The following ARID1B variants were observed in gnomAD, a reference collection of about 807,000 sequenced individuals.
ARID1B encodes the protein AT-rich interactive domain-containing protein 1B.
ARID1B carries 30 observed loss-of-function variants against 212.3 expected under a neutral mutation model. That is an observed-to-expected ratio of 0.14 (90% confidence interval 0.11 to 0.19). The LOEUF is 0.19. Among genes scored for constraint, ARID1B ranks in the 10% least tolerant of loss-of-function variants. ARID1B has a pLI of 1.00. For missense variants in ARID1B, 2,891 were observed against 3,204.0 expected, an observed-to-expected ratio of 0.90 and a Z score of 2.36; for synonymous variants, 1,402 against 1,301.7, an observed-to-expected ratio of 1.08 and a Z score of -1.66.
chr6:157,089,592 T>G lies in ARID1B; in HGVS notation c.2491+4687T>G, dbSNP rs114962679. Among the ~76,000 whole-genome samples, 1,071 of 152,266 alleles carry G rather than the reference T, an allele frequency of 7.0e-3. 16 individuals are homozygous for G. The highest frequency in any genetic ancestry group is 0.024 in the African/African-American group (995 of 41,578). On this transcript the variant is annotated intron_variant, in intron 5 of 19. Coordinates refer to ENST00000636930, the MANE Select transcript of ARID1B (RefSeq NM_001374828.1). The stretch of plus-strand genomic sequence containing the variant: ...TCTCTATAGTTAGAAGGTAAAGAAT[T>G]CAGGCCTGCTTGTTGACTCTAAACA...
intron 2 of ARID1B, among the ~76,000 whole-genome samples, chr6:156,837,838 C>T (rs978572671): frequency 1.3e-5 from 2 of 152,198 alleles, no homozygotes; most frequent in Admixed American, 6.5e-5. Context: ...ATCCAGGCTT[C>T]CTCAGGCCTC....
At chr6:157,086,712 C>T (rs1784991142) in intron 5 of ARID1B, among the ~76,000 whole-genome samples, 1 of 152,072 alleles carries the variant, frequency 6.6e-6, no homozygotes, top group Non-Finnish European at 1.5e-5. Flanking sequence ...AGATAAAACC[C>T]AACAGAAAAG....
intron 2 of ARID1B, among the ~76,000 whole-genome samples, chr6:156,861,172 TGTGTTTG>T (rs1785306447): frequency 6.6e-6 from 1 of 152,026 alleles, no homozygotes; most frequent in Non-Finnish European, 1.5e-5. Flanking sequence ...CAGGACTCTG[TGTGTTTG>T]GTGGTGGGGA....
chr6:157,097,918 G>T (rs918467667), intron 5 of ARID1B, among the ~76,000 whole-genome samples: 1 of 152,156 alleles, frequency 6.6e-6, no homozygotes, highest in Non-Finnish European at 1.5e-5. Flanking sequence ...ACGGGTGGGG[G>T]AAACGACTAT....
intron 5 of ARID1B, among the ~76,000 whole-genome samples, chr6:157,095,220 T>C (rs1037410627): frequency 6.6e-6 from 1 of 152,190 alleles, no homozygotes. Context: ...TGGGAAGTAC[T>C]GGCCTAGGGA....
At chr6:157,088,123 T>C (rs1424262359) in intron 5 of ARID1B, among the ~76,000 whole-genome samples, 1 of 152,256 alleles carries the variant, frequency 6.6e-6, no homozygotes, top group East Asian at 1.9e-4. Context: ...CAGTGGTCAC[T>C]GCCAGGGCTG....
At chr6:156,863,494 G>T (rs1785475742) in intron 2 of ARID1B, among the ~76,000 whole-genome samples, 2 of 152,122 alleles carry the variant, frequency 1.3e-5, no homozygotes, top group African/African-American at 2.4e-5. Flanking sequence ...TTTGGTTTTG[G>T]ATATACTGAT....
intron 7 of ARID1B, among the ~76,000 whole-genome samples, chr6:157,137,992 G>C (rs1789055892): frequency 6.6e-6 from 1 of 151,908 alleles, no homozygotes; most frequent in Non-Finnish European, 1.5e-5. Flanking sequence ...TTCAACAAAG[G>C]CAAACTTTAA....
chr6:157,120,115 T>A (rs1787605173), intron 6 of ARID1B, among the ~76,000 whole-genome samples: 1 of 152,192 alleles, frequency 6.6e-6, no homozygotes, highest in Non-Finnish European at 1.5e-5. Flanking sequence ...TTTATTTGCT[T>A]CTCCAGGGCA....
At position 156,778,874 on chromosome 6, in the gene ARID1B, A is replaced by C. The variant is rs112474841; in HGVS notation, c.1194A>C (p.Gly398=). The C allele has an allele frequency of 1.3e-3, 1,710 of 1,340,260 alleles. 12 individuals carry two copies. The highest frequency in any genetic ancestry group is 0.011 in the Middle Eastern group (51 of 4,792). The allele number at this position is 1,340,260 out of a possible 1,614,324, so 83.0% of individuals were successfully genotyped here. Residue 398 remains glycine, a synonymous_variant, in exon 1 of 20, where the codon GGA becomes GGC. Coordinates refer to ENST00000636930, the MANE Select transcript of ARID1B (RefSeq NM_001374828.1). The part of the protein sequence containing the change: ...GAGGGGGGGG[G]GGGGSGGGGG... Reference sequence around the variant, plus strand: ...GCGGCGGCGGCGGCGGCGGCGGCGGAGGAGGAGGAGGCAGCGGAGGAGGAG... The same window carrying C: ...GCGGCGGCGGCGGCGGCGGCGGCGGCGGAGGAGGAGGCAGCGGAGGAGGAG...
chr6:156,856,698 TCTCACACACACACACACACA>T lies in ARID1B; in HGVS notation c.1986+27279_1986+27298del, dbSNP rs1467014898. On this transcript the variant is annotated intron_variant, in intron 2 of 19. Coordinates refer to ENST00000636930, the MANE Select transcript of ARID1B (RefSeq NM_001374828.1). ...CTCTCTCTCTCTCTCTCTCTCTCTC[TCTCACACACACACACACACA>T]CACACACACACACACACACACACAA... Among the ~76,000 whole-genome samples, 543 of 85,676 alleles carry T rather than the reference TCTCACACACACACACACACA, an allele frequency of 6.3e-3. 4 individuals carry two copies. Among genetic ancestry groups the T allele is most frequent in the African/African-American group, 0.022 (523 of 23,698 alleles). 56.2% of individuals were successfully genotyped at this position (85,676 alleles called of 152,430 possible).
At chr6:156,805,387 C>G (rs144975921) in intron 1 of ARID1B, among the ~76,000 whole-genome samples, 7 of 152,248 alleles carry the variant, frequency 4.6e-5, no homozygotes, top group Non-Finnish European at 8.8e-5. Flanking sequence ...ATGATAATAT[C>G]TAAGTTCTGG....
In ARID1B at chr6:157,201,485, A is replaced by G; in HGVS notation, c.5260A>G (p.Ile1754Val). 6.7e-7 allele frequency: 1 copy of G among 1,495,302 alleles called. No homozygotes were observed. Among genetic ancestry groups the G allele is most frequent in the Non-Finnish European group, 8.9e-7 (1 of 1,122,014 alleles). 92.6% of individuals were successfully genotyped at this position (1,495,302 alleles called of 1,614,324 possible). ...KQRRKITSKDIVTPEAWRVMM... is the reference protein window; with the variant it reads ...KQRRKITSKDVVTPEAWRVMM... ...AAGGCGAAAGATTACCTCCAAAGAT[A>G]TCGGTAAGAATTCCAAAGCTTTCAT... The change falls in exon 18 of 20, where the codon ATC becomes GTC. Residue 1754 changes from isoleucine (I) to valine (V), a missense_variant. Coordinates refer to ENST00000636930, the MANE Select transcript of ARID1B (RefSeq NM_001374828.1). The surrounding 1 kb of genome is among the most constrained non-coding windows in gnomAD (Gnocchi z 5.2).
At chr6:156,910,212 A>G (rs1478409525) in intron 3 of ARID1B, among the ~76,000 whole-genome samples, 1 of 152,112 alleles carries the variant, frequency 6.6e-6, no homozygotes, top group African/African-American at 2.4e-5. Flanking sequence ...TAAATGAAGT[A>G]TCTTCTTGAG....
At chr6:156,903,153 T>A (rs1789090273) in intron 3 of ARID1B, among the ~76,000 whole-genome samples, 1 of 152,228 alleles carries the variant, frequency 6.6e-6, no homozygotes, top group Admixed American at 6.5e-5. Flanking sequence ...CACTGATGAC[T>A]TCCAGCACAT....
At chr6:156,854,872 T>A (rs1208464769) in intron 2 of ARID1B, among the ~76,000 whole-genome samples, 3 of 152,232 alleles carry the variant, frequency 2.0e-5, no homozygotes, top group Non-Finnish European at 4.4e-5. Context: ...AAAAATATGA[T>A]CATAAGAATA....
chr6:156,809,350 C>T (rs1364755188), intron 1 of ARID1B, among the ~76,000 whole-genome samples: 1 of 152,116 alleles, frequency 6.6e-6, no homozygotes, highest in East Asian at 1.9e-4. Flanking sequence ...ATCCAGCATC[C>T]TGTGTATAAA....
chr6:157,096,662 G>A (rs898764406), intron 5 of ARID1B, among the ~76,000 whole-genome samples: 11 of 152,212 alleles, frequency 7.2e-5, no homozygotes, highest in Non-Finnish European at 1.6e-4. Context: ...GCCCAGGCTG[G>A]CACTGCCTCT....
intron 1 of ARID1B, among the ~76,000 whole-genome samples, chr6:156,782,357 G>C (rs1226537049): frequency 6.6e-6 from 1 of 151,978 alleles, no homozygotes; most frequent in Non-Finnish European, 1.5e-5. Context: ...TATATTATAG[G>C]AGAAGGGTCT....
Sources: gnomAD v4.1 joint callset for allele counts (sites outside exome capture counted in the v4.1 genomes callset) on GRCh38, gnomAD v4.1.1 for gene constraint, Gnocchi (gnomAD v3.1) non-coding constraint, MANE v1.5 for transcripts, NCBI Gene and HGNC (gene_info 2026-07-23, HGNC 2026-07-21) for gene names.